Variants in EIF2AK1 observed in about 807,000 individuals in gnomAD.
The protein encoded by EIF2AK1 is eukaryotic translation initiation factor 2-alpha kinase 1.
Under a neutral mutation model 77.9 loss-of-function variants are expected in EIF2AK1, and 54 were observed. That is an observed-to-expected ratio of 0.69 (90% CI 0.56 to 0.87). The LOEUF is 0.87. Among genes scored for constraint, EIF2AK1 ranks in the 40% least tolerant of loss-of-function variants. The pLI, the probability that EIF2AK1 is intolerant of heterozygous loss-of-function variation, is 0.00. For synonymous variants in EIF2AK1, 314 were observed against 290.5 expected (o/e 1.08, Z -0.82); for missense variants, 810 against 768.6 (o/e 1.05, Z -0.64).
At chr7:6,058,561 T>C (rs1788860034) in intron 1 of EIF2AK1, among the ~76,000 whole-genome samples, 1 of 152,186 alleles carries the variant, frequency 6.6e-6, no homozygotes, top group Admixed American at 6.5e-5. Context: ...GAGCTACAAA[T>C]TACAACTCTT....
chr7:6,034,319 A>G (rs1788008872), intron 11 of EIF2AK1, among the ~76,000 whole-genome samples: 1 of 151,912 alleles, frequency 6.6e-6, no homozygotes, highest in South Asian at 2.1e-4. Flanking sequence ...AATAATAATA[A>G]TAATAGAACT....
At chr7:6,048,569 G>A (rs1788510531) in intron 4 of EIF2AK1, among the ~76,000 whole-genome samples, 1 of 152,176 alleles carries the variant, frequency 6.6e-6, no homozygotes, top group Non-Finnish European at 1.5e-5. Context: ...CTGGGTATCA[G>A]GAATCTGAAT....
rs562934313 is a variant in EIF2AK1, at chr7:6,035,269, G to A, written c.1332+2155C>T. On this transcript the variant is annotated intron_variant, in intron 11 of 14. Coordinates refer to ENST00000199389, the MANE Select transcript of EIF2AK1 (RefSeq NM_014413.4). The surrounding 1 kb of genome is among the most constrained non-coding windows in gnomAD (Gnocchi z 5.5). ...AGTGATGCATCCCACCACATCCCAC[G>A]AAAAACCCTGGGATAGCCTGAGAAA... Among the ~76,000 whole-genome samples the A allele has an allele frequency of 3.9e-5, 6 of 152,094 alleles. No homozygotes were observed. In the South Asian group the frequency reaches 1.0e-3, roughly 26 times the overall value.
intron 1 of EIF2AK1, 91 bp from the exon 2 acceptor site, chr7:6,054,795 T>C: frequency 7.9e-7 from 1 of 1,271,114 alleles, no homozygotes; most frequent in Non-Finnish European, 1.1e-6. Flanking sequence ...AAACATGAAA[T>C]ATTTAAATGT....
chr7:6,054,887 T>G (rs568449638), intron 1 of EIF2AK1, among the ~76,000 whole-genome samples, 183 bp from the exon 2 acceptor site: 15 of 152,258 alleles, frequency 9.9e-5, no homozygotes, highest in African/African-American at 3.6e-4. Flanking sequence ...TGGAGCTGAA[T>G]CCTGGAAGCT....
At position 6,033,271 on chromosome 7, in the gene EIF2AK1, C is replaced by G. The variant is rs534716106; in HGVS notation, c.1332+4153G>C. On this transcript the variant is annotated intron_variant, in intron 11 of 14. Coordinates refer to ENST00000199389, the MANE Select transcript of EIF2AK1 (RefSeq NM_014413.4). This position sits in a 1 kb window ranked among gnomAD's most constrained non-coding sequence, Gnocchi z 4.4. ...AGCCCTCAGCCACAGCACCCAGCTTCACTGACAATCATTTCTAAGTGAGGA... is the reference window on the plus strand; with the variant it reads ...AGCCCTCAGCCACAGCACCCAGCTTGACTGACAATCATTTCTAAGTGAGGA... 6.6e-6 allele frequency among the ~76,000 whole-genome samples: 1 copy of G among 152,258 alleles called. No homozygotes were observed. Among genetic ancestry groups the G allele is most frequent in the African/African-American group, 2.4e-5 (1 of 41,558 alleles).
rs756091057 is a variant in EIF2AK1 at position 6,038,569 on chromosome 7, C to T, written c.1222G>A (p.Glu408Lys). Residue 408 changes from glutamate to lysine, a missense_variant, in exon 10 of 15, where the codon GAG (glutamate) becomes AAG (lysine). Coordinates refer to ENST00000199389, the MANE Select transcript of EIF2AK1 (RefSeq NM_014413.4). ...RNKRGREYVD[E>K]SACPYVMANV... ...CCCAGATGGTACTCACAGGCAGACT[C>T]GTCCACATACTCCCGGCCCCGCTTG... The T allele has an allele frequency of 6.2e-6, 10 of 1,611,272 alleles. No homozygotes were observed. The highest frequency in any genetic ancestry group is 1.3e-5 in the African/African-American group (1 of 74,924).
chr7:6,054,735 T>G, intron 1 of EIF2AK1, 31 bp from the exon 2 acceptor site: 1 of 1,582,946 alleles, frequency 6.3e-7, no homozygotes, highest in Non-Finnish European at 8.7e-7. Context: ...TATTTTTAAA[T>G]TAATGGTAAA....
rs1462060375 is a variant in EIF2AK1 at position 6,049,942 on chromosome 7, T to C, written c.381A>G (p.Leu127=). Residue 127 remains leucine, a synonymous_variant, in exon 3 of 15, where the codon TTA becomes TTG. Coordinates refer to ENST00000199389, the MANE Select transcript of EIF2AK1 (RefSeq NM_014413.4). ...RLHHNRAITH[L]MRSAKERVRQ... ...GAACTCTCTCTTTAGCAGACCTCAT[T>C]AAGTGAGTAATAGCTCTGTTGTGAT... 1.2e-6 allele frequency: 2 copies of C among 1,612,678 alleles called. No individual in the cohort carries two copies. Among genetic ancestry groups the C allele is most frequent in the African/African-American group, 1.3e-5 (1 of 74,988 alleles).
chr7:6,049,977 A>G lies in EIF2AK1; in HGVS notation c.346T>C (p.Leu116=). The G allele has an allele frequency of 1.9e-6, 3 of 1,613,438 alleles. No homozygotes were observed. The highest frequency in any genetic ancestry group is 2.5e-6 in the Non-Finnish European group (3 of 1,179,662). Reference sequence around the variant, plus strand: ...ATAGCTCTGTTGTGATGTAGTCTCAATGAGCTAAACTCGTCACTACAAGTG... The same window carrying G: ...ATAGCTCTGTTGTGATGTAGTCTCAGTGAGCTAAACTCGTCACTACAAGTG... ...SFTCSDEFSS[L]RLHHNRAITH... The change falls in exon 3 of 15, where the codon TTG becomes CTG. Residue 116 remains leucine, a synonymous_variant. Transcript: ENST00000199389.
Position 6,049,955 on chromosome 7 carries a change from G to C in EIF2AK1, c.368C>G (p.Ala123Gly). The change falls in exon 3 of 15, where the codon GCT becomes GGT. Residue 123 changes from alanine (A) to glycine (G), a missense_variant. Physicochemically the swap from Ala to Gly is moderately conservative, Grantham distance 60 (BLOSUM62 0). Transcript: ENST00000199389. ...AGCAGACCTCATTAAGTGAGTAATAGCTCTGTTGTGATGTAGTCTCAATGA... is the reference window on the plus strand; with the variant it reads ...AGCAGACCTCATTAAGTGAGTAATACCTCTGTTGTGATGTAGTCTCAATGA... Reference protein sequence around the residue: ...FSSLRLHHNRAITHLMRSAKE... With the variant: ...FSSLRLHHNRGITHLMRSAKE... 6.2e-7 allele frequency: 1 copy of C among 1,613,126 alleles called. No homozygotes were observed. Among genetic ancestry groups the C allele is most frequent in the Non-Finnish European group, 8.5e-7 (1 of 1,179,690 alleles).
chr7:6,024,949 G>A (rs1258610048), intron 14 of EIF2AK1, 148 bp from the exon 15 acceptor site: 17 of 524,142 alleles, frequency 3.2e-5, no homozygotes, highest in African/African-American at 1.0e-4. Context: ...AGCTATTCTC[G>A]TGCCTCAGCC....
intron 4 of EIF2AK1, 99 bp downstream of exon 4, chr7:6,048,708 T>C (rs523254): frequency 0.6 from 593,955 of 995,686 alleles, 179,309 homozygotes; most frequent in African/African-American, 0.71. Flanking sequence ...TGTTCATAAA[T>C]AATACTAACA....
In EIF2AK1 at chr7:6,024,221, G is replaced by A. The variant is rs1787672211; in HGVS notation, c.*452C>T. The A allele has an allele frequency of 4.9e-6, 6 of 1,228,368 alleles. No individual in the cohort carries two copies. The highest frequency in any genetic ancestry group is 6.2e-6 in the Non-Finnish European group (6 of 961,460). 76.1% of individuals were successfully genotyped at this position (1,228,368 alleles called of 1,614,324 possible). On this transcript the variant is annotated 3_prime_UTR_variant, in exon 15 of 15. Transcript: ENST00000199389. ...AGCAGAAGGTTTGGAGCCAAGGAAT[G>A]AAATGATGAGGCGTCCTTCAGGTAA... is the stretch of plus-strand genomic sequence containing the variant.
chr7:6,058,353 G>A, intron 1 of EIF2AK1: 1 of 343,232 alleles, frequency 2.9e-6, no homozygotes, highest in South Asian at 2.2e-5. Flanking sequence ...GGAGTTGGAG[G>A]CTGCAATGAG....
Position 6,023,884 on chromosome 7 carries a change from G to A in EIF2AK1, c.*789C>T, listed in dbSNP as rs745981867. ...AGCAAAATCATACGCCATCTACCGT[G>A]ATGACTGCCAACTCCATGGCAGACC... On this transcript the variant is annotated 3_prime_UTR_variant, in exon 15 of 15. Coordinates refer to ENST00000199389, the MANE Select transcript of EIF2AK1 (RefSeq NM_014413.4). 3 of 1,523,360 alleles carry A rather than the reference G, an allele frequency of 2.0e-6. No individual in the cohort carries two copies. The highest frequency in any genetic ancestry group is 1.2e-5 in the South Asian group (1 of 83,060). The allele number at this position is 1,523,360 out of a possible 1,614,324, so 94.4% of individuals were successfully genotyped here. A position where few individuals can be genotyped will look rare whatever the true frequency, so the allele number is the denominator to read the frequency against.
Position 6,050,045 on chromosome 7 carries a change from A to G in EIF2AK1, c.278T>C (p.Leu93Pro), listed in dbSNP as rs774799294. ...CATTTTGATAAACGTCTGGCAAAGT[A>G]CTATAAAAAGAATATGAAAAACTAT... Reference protein sequence around the residue: ...NPLRSRQVFKLLCQTFIKMGL... With the variant: ...NPLRSRQVFKPLCQTFIKMGL... The change falls in exon 3 of 15, where the codon CTA becomes CCA. Residue 93 changes from leucine (L) to proline (P), a missense_variant and splice_region_variant. Coordinates refer to ENST00000199389, the MANE Select transcript of EIF2AK1 (RefSeq NM_014413.4). The G allele has an allele frequency of 1.9e-6, 3 of 1,597,446 alleles. No homozygotes were observed.
chr7:6,037,527 T>G lies in EIF2AK1; in HGVS notation c.1232-3A>C, dbSNP rs550333062. ...AACATTGGCCATAACATAAGGACCTTGAAGTAAAAAAAAATAGTTTTATTT... is the reference window on the plus strand; with the variant it reads ...AACATTGGCCATAACATAAGGACCTGGAAGTAAAAAAAAATAGTTTTATTT... On this transcript the variant is annotated splice_polypyrimidine_tract_variant and splice_region_variant and intron_variant, in intron 10 of 14. Coordinates refer to ENST00000199389, the MANE Select transcript of EIF2AK1 (RefSeq NM_014413.4). The G allele has an allele frequency of 1.3e-6, 2 of 1,580,658 alleles. No homozygotes were observed. The highest frequency in any genetic ancestry group is 1.7e-6 in the Non-Finnish European group (2 of 1,156,688).
Position 6,049,912 on chromosome 7 carries a change from C to G in EIF2AK1, c.411G>C (p.Gln137His). Residue 137 changes from glutamine (Q) to histidine (H), a missense_variant and splice_region_variant, in exon 3 of 15, where the codon CAG (glutamine) becomes CAC (histidine). Physicochemically the swap from Gln to His is conservative, Grantham distance 24. Transcript: ENST00000199389. ...CCAAAGTATATTTTTTAGGGCTTAC[C>G]TGACGAACTCTCTCTTTAGCAGACC... ...LMRSAKERVR[Q>H]DPCEDISRIQ... The G allele has an allele frequency of 6.2e-7, 1 of 1,606,888 alleles. No individual in the cohort carries two copies. Among genetic ancestry groups the G allele is most frequent in the Non-Finnish European group, 8.5e-7 (1 of 1,178,356 alleles).
Sources: gnomAD v4.1 joint callset for allele counts (sites outside exome capture counted in the v4.1 genomes callset) on GRCh38, gnomAD v4.1.1 for gene constraint, Gnocchi (gnomAD v3.1) non-coding constraint, MANE v1.5 for transcripts, NCBI Gene and HGNC (gene_info 2026-07-23, HGNC 2026-07-21) for gene names.